The following DEPTOR variants were observed in gnomAD, a reference collection of about 807,000 sequenced individuals.
DEPTOR encodes DEP domain containing MTOR interacting protein, also known as DEP domain-containing mTOR-interacting protein.
DEPTOR carries 41 observed loss-of-function variants against 41.6 expected under a neutral mutation model. That is an observed-to-expected ratio of 0.98 (90% CI 0.77 to 1.28). The LOEUF (loss-of-function observed/expected upper bound fraction) is 1.28, where lower values mean the gene tolerates loss of function less well. Among genes scored for constraint, DEPTOR ranks in the 50% most tolerant of loss-of-function variants. The pLI, the probability that DEPTOR is intolerant of heterozygous loss-of-function variation, is 0.00. For synonymous variants in DEPTOR, 195 were observed against 192.3 expected, an observed-to-expected ratio of 1.01 and a Z score of -0.12; for missense variants, 514 against 527.9, an observed-to-expected ratio of 0.97 and a Z score of 0.26.
Position 119,969,419 on chromosome 8 carries a change from A to T in DEPTOR, c.604+4009A>T, listed in dbSNP as rs1586637579. Among the ~76,000 whole-genome samples the T allele has an allele frequency of 2.0e-5, 3 of 148,702 alleles. No individual in the cohort carries two copies. In the South Asian group the frequency reaches 6.4e-4, roughly 32 times the overall value. On this transcript the variant is annotated intron_variant, in intron 4 of 8. Coordinates refer to ENST00000286234, the MANE Select transcript of DEPTOR (RefSeq NM_022783.4). Reference sequence around the variant, plus strand: ...GCCCAGGCTGGAGTGCAATGGTGCGATCTTGGCTCACTGCAACCTCCACCT... The same window carrying T: ...GCCCAGGCTGGAGTGCAATGGTGCGTTCTTGGCTCACTGCAACCTCCACCT...
At chr8:119,946,283 A>T (rs563121147) in intron 3 of DEPTOR, among the ~76,000 whole-genome samples, 1 of 152,200 alleles carries the variant, frequency 6.6e-6, no homozygotes, top group African/African-American at 2.4e-5. Context: ...TTTTAACTTT[A>T]TTAAAGTTAA....
At chr8:119,913,899 G>C (rs1827777469) in intron 1 of DEPTOR, among the ~76,000 whole-genome samples, 1 of 152,128 alleles carries the variant, frequency 6.6e-6, no homozygotes, top group Admixed American at 6.6e-5. Flanking sequence ...TCACCTCTGT[G>C]CATCCTTTCC....
At chr8:120,016,614 T>A (rs1812615720) in intron 8 of DEPTOR, among the ~76,000 whole-genome samples, 1 of 151,942 alleles carries the variant, frequency 6.6e-6, no homozygotes, top group Non-Finnish European at 1.5e-5. Context: ...GAATTTTTTT[T>A]TTTTTAAAGA....
chr8:119,888,858 C>CAAAAAA (rs34471575), intron 1 of DEPTOR, among the ~76,000 whole-genome samples: 23 of 63,818 alleles, frequency 3.6e-4, no homozygotes, highest in African/African-American at 6.6e-4. Context: ...TCTGTCTCAG[C>CAAAAAA]AAAAAAAAAA....
intron 8 of DEPTOR, among the ~76,000 whole-genome samples, chr8:120,027,998 GC>G (rs1291718234): frequency 6.6e-6 from 1 of 152,122 alleles, no homozygotes; most frequent in African/African-American, 2.4e-5. Context: ...CAGCCTACTG[GC>G]TCAGACCTCT....
chr8:119,944,091 C>T (rs1022976867), intron 3 of DEPTOR, among the ~76,000 whole-genome samples: 10 of 152,110 alleles, frequency 6.6e-5, no homozygotes, highest in Non-Finnish European at 1.2e-4. Context: ...CTGCCCACCT[C>T]GGCCTCCCAA....
intron 4 of DEPTOR, among the ~76,000 whole-genome samples, chr8:119,991,122 T>TGG (rs1812167270): frequency 6.9e-6 from 1 of 145,854 alleles, no homozygotes; most frequent in African/African-American, 2.5e-5. Flanking sequence ...CTTTCTTTTT[T>TGG]TTTTAAATCT....
intron 7 of DEPTOR, among the ~76,000 whole-genome samples, chr8:120,008,608 T>G (rs1812484383): frequency 6.6e-6 from 1 of 151,880 alleles, no homozygotes; most frequent in South Asian, 2.1e-4. Flanking sequence ...TCAATGACGT[T>G]GCAGGATCAA....
At chr8:120,023,880 T>TA (rs1262048282) in intron 8 of DEPTOR, among the ~76,000 whole-genome samples, 1 of 151,914 alleles carries the variant, frequency 6.6e-6, no homozygotes, top group East Asian at 1.9e-4. Flanking sequence ...CTGTAGTGAT[T>TA]AGGTTTGCAT....
rs191749994 is a variant in DEPTOR at position 120,013,035 on chromosome 8, T to C, written c.1101+3902T>C. Among the ~76,000 whole-genome samples the C allele has an allele frequency of 1.1e-4, 16 of 151,830 alleles. No individual in the cohort carries two copies. The East Asian group carries it at 3.2e-3, about 30-fold the overall frequency. On this transcript the variant is annotated intron_variant, in intron 8 of 8. Coordinates refer to ENST00000286234, the MANE Select transcript of DEPTOR (RefSeq NM_022783.4). ...AGTCAAGCATGCTGGTGGGTGCCTATAGTCCCAGCTACTCAAGAGACTGAG... is the reference window on the plus strand; with the variant it reads ...AGTCAAGCATGCTGGTGGGTGCCTACAGTCCCAGCTACTCAAGAGACTGAG...
intron 4 of DEPTOR, among the ~76,000 whole-genome samples, chr8:119,966,513 C>G (rs1205997804): frequency 1.3e-5 from 2 of 152,202 alleles, no homozygotes; most frequent in Non-Finnish European, 2.9e-5. Context: ...AAGGCAGAGT[C>G]TCCTTCCGTC....
chr8:119,995,542 C>T (rs986903663), intron 4 of DEPTOR, among the ~76,000 whole-genome samples: 18 of 150,626 alleles, frequency 1.2e-4, no homozygotes, highest in Admixed American at 8.6e-4. Flanking sequence ...GCCAAGATCA[C>T]GCCACTGCAC....
intron 3 of DEPTOR, among the ~76,000 whole-genome samples, chr8:119,944,038 C>T (rs1828237712): frequency 6.6e-6 from 1 of 152,128 alleles, no homozygotes; most frequent in Non-Finnish European, 1.5e-5. Context: ...GACAGGGTTT[C>T]ACCGTGTTAG....
intron 8 of DEPTOR, among the ~76,000 whole-genome samples, chr8:120,018,708 T>C (rs1812649817): frequency 6.6e-6 from 1 of 152,178 alleles, no homozygotes. Flanking sequence ...CAGAAAATGA[T>C]AGGGTCAATG....
intron 1 of DEPTOR, among the ~76,000 whole-genome samples, chr8:119,888,965 G>A (rs1447100770): frequency 2.6e-5 from 4 of 151,842 alleles, no homozygotes; most frequent in African/African-American, 9.7e-5. Context: ...AGTGGGAGTT[G>A]GGAGAATGCC....
At chr8:119,988,947 CTTTTTTTTTTCTTTTTT>C (rs1828863744) in intron 4 of DEPTOR, among the ~76,000 whole-genome samples, 1 of 115,404 alleles carries the variant, frequency 8.7e-6, no homozygotes, top group African/African-American at 3.1e-5. Flanking sequence ...TAGCCATATC[CTTTTTTTTTTCTTTTTT>C]TTTTTTTTTT....
At chr8:119,971,254 G>T (rs1465154846) in intron 4 of DEPTOR, among the ~76,000 whole-genome samples, 1 of 150,284 alleles carries the variant, frequency 6.7e-6, no homozygotes, top group Non-Finnish European at 1.5e-5. Context: ...AAAAAAGAAG[G>T]TTGGCTGAAA....
At chr8:119,917,347 G>A (rs950429013) in intron 1 of DEPTOR, among the ~76,000 whole-genome samples, 2 of 152,204 alleles carry the variant, frequency 1.3e-5, no homozygotes, top group African/African-American at 4.8e-5. Flanking sequence ...GGAAAAGAAA[G>A]ATCAGATTGT....
At chr8:119,965,705 T>C (rs1460711505) in intron 4 of DEPTOR, among the ~76,000 whole-genome samples, 1 of 152,196 alleles carries the variant, frequency 6.6e-6, no homozygotes, top group African/African-American at 2.4e-5. Context: ...AGTTGCTGCT[T>C]GGATGTGATG....
Sources: gnomAD v4.1 joint callset for allele counts (sites outside exome capture counted in the v4.1 genomes callset) on GRCh38, gnomAD v4.1.1 for gene constraint, MANE v1.5 for transcripts, NCBI Gene and HGNC (gene_info 2026-07-23, HGNC 2026-07-21) for gene names.